The following PHF21B variants were observed in gnomAD, a reference collection of about 807,000 sequenced individuals.
PHF21B encodes PHD finger protein 4.
Under a neutral mutation model 62.2 loss-of-function variants are expected in PHF21B, and 22 were observed. The observed-to-expected ratio is 0.35, with a 90% CI of 0.25 to 0.51. The LOEUF (loss-of-function observed/expected upper bound fraction) is 0.51, where lower values mean the gene tolerates loss of function less well. PHF21B is among the 20% of genes least tolerant of loss of function. The probability of loss-of-function intolerance (pLI) is 0.97; values close to 1 mark genes in which losing one functional copy is unlikely to be tolerated. For synonymous variants in PHF21B, 341 were observed against 314.7 expected (o/e 1.08, Z -0.88); for missense variants, 701 against 707.9 (o/e 0.99, Z 0.11).
At chr22:44,937,341 G>A (rs553580958) in intron 2 of PHF21B, among the ~76,000 whole-genome samples, 5 of 152,286 alleles carry the variant, frequency 3.3e-5, no homozygotes, top group East Asian at 3.9e-4. Flanking sequence ...GGGCAGAGAC[G>A]GAGACATCAC....
intron 2 of PHF21B, among the ~76,000 whole-genome samples, chr22:44,970,066 C>T (rs778324022): frequency 1.3e-5 from 2 of 152,244 alleles, no homozygotes; most frequent in Non-Finnish European, 2.9e-5. Context: ...CACGCTAGCA[C>T]TGGCACTCGG....
chr22:44,961,567 G>A (rs1449681775), intron 2 of PHF21B, among the ~76,000 whole-genome samples: 2 of 152,054 alleles, frequency 1.3e-5, no homozygotes, highest in East Asian at 1.9e-4. Context: ...CAGGCTGGGC[G>A]TGGTGGCTCA....
intron 2 of PHF21B, among the ~76,000 whole-genome samples, chr22:44,926,514 G>A (rs1369654999): frequency 6.6e-6 from 1 of 152,098 alleles, no homozygotes; most frequent in South Asian, 2.1e-4. Flanking sequence ...TCCAGGCAAG[G>A]CGGGTGTGTG....
In PHF21B at chr22:45,009,850, C is replaced by A. The variant is rs1343853380; in HGVS notation, c.-301G>T. On this transcript the variant is annotated 5_prime_UTR_variant, in exon 1 of 13. Coordinates refer to ENST00000313237, the MANE Select transcript of PHF21B (RefSeq NM_138415.5). This position sits in a 1 kb window ranked among gnomAD's most constrained non-coding sequence, Gnocchi z 5.9. Reference sequence around the variant, plus strand: ...ATGGCCCCCCCGGCGCCGGGAGCCCCGCGCAGCCCCGCGCGCGCCCGCCCA... The same window carrying A: ...ATGGCCCCCCCGGCGCCGGGAGCCCAGCGCAGCCCCGCGCGCGCCCGCCCA... 1 of 146,420 alleles carries A rather than the reference C, an allele frequency of 6.8e-6. No homozygotes were observed. The highest frequency in any genetic ancestry group is 1.5e-5 in the Non-Finnish European group (1 of 65,530). The allele number at this position is 146,420 out of a possible 1,614,324, so 9.1% of individuals were successfully genotyped here.
intron 2 of PHF21B, among the ~76,000 whole-genome samples, chr22:44,993,977 T>C (rs2073080412): frequency 6.6e-6 from 1 of 152,168 alleles, no homozygotes; most frequent in Non-Finnish European, 1.5e-5. Flanking sequence ...AGTCACAGTT[T>C]CAGAAGATCC....
chr22:44,906,853 G>C (rs1213383102), intron 5 of PHF21B, among the ~76,000 whole-genome samples: 2 of 152,128 alleles, frequency 1.3e-5, no homozygotes, highest in Non-Finnish European at 2.9e-5. Flanking sequence ...GATCAGAGTG[G>C]GGTGATGGCC....
At chr22:44,956,865 G>C (rs1003999771) in intron 2 of PHF21B, among the ~76,000 whole-genome samples, 13 of 152,198 alleles carry the variant, frequency 8.5e-5, no homozygotes, top group Admixed American at 5.2e-4. Context: ...TCTCATCAAA[G>C]CTGTACCCCA....
chr22:44,956,016 C>T (rs1013155614), intron 2 of PHF21B, among the ~76,000 whole-genome samples: 8 of 152,196 alleles, frequency 5.3e-5, no homozygotes, highest in Non-Finnish European at 5.9e-5. Context: ...TTGTCCTGGG[C>T]ACAGCGATGA....
At chr22:44,936,307 T>C in intron 2 of PHF21B, among the ~76,000 whole-genome samples, 1 of 152,238 alleles carries the variant, frequency 6.6e-6, no homozygotes, top group East Asian at 1.9e-4. Context: ...TCCCGCCTGG[T>C]TCTGAAGGCG....
chr22:44,916,142 CATTT>C (rs370702500), intron 4 of PHF21B, 134 bp downstream of exon 4: 6 of 803,266 alleles, frequency 7.5e-6, no homozygotes, highest in Non-Finnish European at 1.2e-5. Flanking sequence ...CCCATTCATT[CATTT>C]GTCCACTTGA....
intron 2 of PHF21B, among the ~76,000 whole-genome samples, chr22:44,976,398 A>C (rs2072739173): frequency 6.6e-6 from 1 of 152,222 alleles, no homozygotes; most frequent in Non-Finnish European, 1.5e-5. Context: ...CCTGCTGTGC[A>C]ATGGAACACC....
chr22:45,004,329 G>T (rs968361191), intron 2 of PHF21B, among the ~76,000 whole-genome samples: 5 of 152,226 alleles, frequency 3.3e-5, no homozygotes, highest in Non-Finnish European at 7.4e-5. Flanking sequence ...GGTAGTGGGT[G>T]GGCGCAGGGC....
chr22:44,971,371 G>C (rs1023719850), intron 2 of PHF21B: 2 of 152,194 alleles, frequency 1.3e-5, no homozygotes, highest in Admixed American at 6.6e-5. Flanking sequence ...ATTGGTGCCT[G>C]GTAAACAGCC....
At chr22:44,934,351 G>A (rs1172667015) in intron 2 of PHF21B, among the ~76,000 whole-genome samples, 7 of 152,214 alleles carry the variant, frequency 4.6e-5, no homozygotes, top group Admixed American at 4.6e-4. Flanking sequence ...GCACATAGAG[G>A]AGCGATGACA....
intron 5 of PHF21B, among the ~76,000 whole-genome samples, chr22:44,898,465 C>T (rs746014292): frequency 6.6e-5 from 10 of 152,118 alleles, no homozygotes; most frequent in Admixed American, 5.2e-4. Context: ...GTGCCTGCCC[C>T]GTGCCCCCAT....
intron 4 of PHF21B, among the ~76,000 whole-genome samples, chr22:44,915,230 G>A (rs761713852): frequency 1.3e-5 from 2 of 152,096 alleles, no homozygotes; most frequent in Non-Finnish European, 2.9e-5. Context: ...TCTCCAATAA[G>A]AAAAAGGGCA....
intron 5 of PHF21B, among the ~76,000 whole-genome samples, chr22:44,899,627 CTCCT>C (rs1276748342): frequency 1.3e-4 from 20 of 151,958 alleles, no homozygotes; most frequent in Non-Finnish European, 4.4e-5. Flanking sequence ...TTTCTTCCTT[CTCCT>C]TCCTTCTTCT....
intron 2 of PHF21B, among the ~76,000 whole-genome samples, chr22:44,973,215 C>G (rs1265730100): frequency 6.6e-6 from 1 of 152,048 alleles, no homozygotes; most frequent in African/African-American, 2.4e-5. Context: ...CTGCTGGTCT[C>G]CACCCTGTCC....
intron 5 of PHF21B, among the ~76,000 whole-genome samples, chr22:44,913,140 C>T (rs952749837): frequency 2.6e-5 from 4 of 152,216 alleles, no homozygotes; most frequent in African/African-American, 9.7e-5. Context: ...GCTTATTTAT[C>T]TGGCCTCCTT....
Sources: allele counts gnomAD v4.1 joint callset (sites outside exome capture counted in the v4.1 genomes callset), GRCh38; gene constraint gnomAD v4.1.1; non-coding constraint Gnocchi (gnomAD v3.1); transcripts MANE v1.5; gene names NCBI Gene and HGNC (gene_info 2026-07-23, HGNC 2026-07-21).